PDXDC1: variants seen among roughly 807,000 people sequenced by gnomAD.
PDXDC1 encodes pyridoxal dependent decarboxylase domain containing 1.
In PDXDC1, 42 loss-of-function variants were observed where a neutral mutation model predicts 100.1. The observed-to-expected ratio is 0.42, with a 90% CI of 0.33 to 0.54. The LOEUF (loss-of-function observed/expected upper bound fraction) is 0.54, where lower values mean the gene tolerates loss of function less well. Among genes scored for constraint, PDXDC1 ranks in the 20% least tolerant of loss-of-function variants. The probability of loss-of-function intolerance (pLI) is 0.10; values close to 1 mark genes in which losing one functional copy is unlikely to be tolerated. For synonymous variants in PDXDC1, 260 were observed against 371.7 expected, an observed-to-expected ratio of 0.70 and a Z score of 3.46; for missense variants, 636 against 979.2, an observed-to-expected ratio of 0.65 and a Z score of 4.68.
intron 16 of PDXDC1, chr16:15,076,502 C>A: frequency 8.7e-7 from 1 of 1,146,424 alleles, no homozygotes; most frequent in East Asian, 2.3e-5. Context: ...GCAGCACTAG[C>A]TGTTTCCACC....
At chr16:15,011,631 C>CTTTTTTT in intron 8 of PDXDC1, among the ~76,000 whole-genome samples, 110 of 131,268 alleles carry the variant, frequency 8.4e-4, no homozygotes, top group Non-Finnish European at 1.1e-3. Flanking sequence ...ACATTTTTTT[C>CTTTTTTT]TTTTTTTTTT....
intron 1 of PDXDC1, among the ~76,000 whole-genome samples, chr16:14,991,037 C>A (rs1209534259): frequency 1.3e-5 from 2 of 152,290 alleles, no homozygotes; most frequent in African/African-American, 4.8e-5. Context: ...CCACTGCGCC[C>A]GGCCAGCAAG....
chr16:15,074,787 G>A (rs375443117), intron 16 of PDXDC1: 61 of 1,613,898 alleles, frequency 3.8e-5, no homozygotes, highest in Admixed American at 1.2e-4. Flanking sequence ...CCAGGCGCTC[G>A]GCTACAGGAT....
chr16:15,083,393 G>C (rs1035890699), intron 16 of PDXDC1: 11 of 1,435,402 alleles, frequency 7.7e-6, no homozygotes, highest in Non-Finnish European at 1.0e-5. Context: ...AGTGAGACTC[G>C]GTCTCAAAAA....
chr16:15,100,358 T>C (rs2046497090), intron 16 of PDXDC1, among the ~76,000 whole-genome samples: 1 of 152,244 alleles, frequency 6.6e-6, no homozygotes, highest in Non-Finnish European at 1.5e-5. Context: ...TCTTTAGTTA[T>C]ATACATGTAT....
downstream of PDXDC1, among the ~76,000 whole-genome samples, chr16:15,140,271 CCT>C (rs1300709597): frequency 6.6e-6 from 1 of 150,482 alleles, no homozygotes; most frequent in Non-Finnish European, 1.5e-5. Context: ...ACGGAGACAC[CCT>C]GTCTCTACCA....
downstream of PDXDC1, among the ~76,000 whole-genome samples, chr16:15,141,931 C>A (rs1474090720): frequency 3.9e-5 from 6 of 152,170 alleles, no homozygotes; most frequent in Non-Finnish European, 5.9e-5. Flanking sequence ...GCAGCAGAAC[C>A]AATGCTTTAG....
rs1382744960 is a variant in PDXDC1, at chr16:15,033,353, T to C, written c.1766T>C (p.Val589Ala). The change falls in exon 19 of 23, where the codon GTG becomes GCG. Residue 589 changes from valine to alanine, a missense_variant. This residue lies in a region of PDXDC1 where 452 missense variants were observed against 402.9 expected (regional missense o/e 1.12). Coordinates refer to ENST00000396410, the MANE Select transcript of PDXDC1 (RefSeq NM_015027.4). ...GACAACGTCGATGCTGCTGAGCTCG[T>C]GGAGACCATTGCGGCCACAGCCCGG... ...ASDNVDAAEL[V>A]ETIAATAREI... 6.2e-7 allele frequency: 1 copy of C among 1,614,164 alleles called. No homozygotes were observed. Among genetic ancestry groups the C allele is most frequent in the South Asian group, 1.1e-5 (1 of 91,082 alleles).
intron 19 of PDXDC1, 106 bp from the exon 20 acceptor site, chr16:15,034,180 T>C (rs2043250093): frequency 1.1e-6 from 1 of 904,160 alleles, no homozygotes; most frequent in Non-Finnish European, 1.7e-6. Flanking sequence ...AATGCAGGAT[T>C]TCATTGACCT....
At chr16:15,031,945 C>G in intron 17 of PDXDC1, 39 bp downstream of exon 17, 1 of 1,529,202 alleles carries the variant, frequency 6.5e-7, no homozygotes, top group South Asian at 1.2e-5. Context: ...GGAGACTTTT[C>G]TGTATAAAGA....
At chr16:15,135,078 T>C in intron 16 of PDXDC1, 2 of 588,656 alleles carry the variant, frequency 3.4e-6, no homozygotes, top group South Asian at 3.8e-5. Context: ...AGAGCATATG[T>C]GGCTTGAAGA....
chr16:15,044,604 A>G, intron 16 of PDXDC1: 1 of 594,736 alleles, frequency 1.7e-6, no homozygotes. Context: ...GACCCTGCCC[A>G]GGGGCCCTGA....
chr16:15,076,616 T>C, intron 16 of PDXDC1: 1 of 1,612,962 alleles, frequency 6.2e-7, no homozygotes. Flanking sequence ...TGCTGTTTCT[T>C]CAGCATCTTC....
chr16:15,088,398 T>C (rs1210097852), intron 16 of PDXDC1, among the ~76,000 whole-genome samples: 1 of 151,372 alleles, frequency 6.6e-6, no homozygotes, highest in Admixed American at 6.6e-5. Context: ...GCCTGGGAGG[T>C]TGAGGCTGCA....
chr16:15,126,719 C>T (rs1287355116), intron 16 of PDXDC1: 6 of 118,808 alleles, frequency 5.1e-5, no homozygotes, highest in African/African-American at 1.8e-4. Context: ...TGCAGTGGCG[C>T]AATCTCGGCT....
intron 8 of PDXDC1, among the ~76,000 whole-genome samples, chr16:15,010,129 C>T (rs188267351): frequency 5.1e-4 from 77 of 152,394 alleles, no homozygotes; most frequent in African/African-American, 1.8e-3. Context: ...TCACTGCAAT[C>T]TCTGCCTCCC....
At chr16:15,146,761 G>A in the PDXDC1 span, among the ~76,000 whole-genome samples, 5 of 152,076 alleles carry the variant, frequency 3.3e-5, no homozygotes, top group African/African-American at 1.2e-4. Flanking sequence ...AGTGCATGGA[G>A]GACAGGGGAA....
intron 1 of PDXDC1, chr16:14,990,058 A>G: frequency 6.7e-7 from 1 of 1,491,916 alleles, no homozygotes; most frequent in Non-Finnish European, 8.9e-7. Context: ...GACCCCCCAA[A>G]CCACAGAAGC....
rs569349850 is a variant in PDXDC1, at chr16:15,089,783, G to C, written c.1400-49096G>C. ...CCACTGCACTCCAGCCTGGGCGACA[G>C]AGCAAAAAAAAAAAAAAAAAAAAAA... On this transcript the variant is annotated intron_variant, in intron 16 of 16. Coordinates refer to the PDXDC1 transcript ENST00000535621. 2.6e-3 allele frequency among the ~76,000 whole-genome samples: 119 copies of C among 46,220 alleles called. 2 individuals carry two copies. The highest frequency in any genetic ancestry group is 8.5e-3 in the South Asian group (8 of 938). 30.3% of individuals were successfully genotyped at this position (46,220 alleles called of 152,430 possible). A position where few individuals can be genotyped will look rare whatever the true frequency, so the allele number is the denominator to read the frequency against.
Sources: gnomAD v4.1 joint callset for allele counts (sites outside exome capture counted in the v4.1 genomes callset) on GRCh38, gnomAD v4.1.1 for gene constraint, gnomAD v4.1.1 regional missense constraint, MANE v1.5 for transcripts, NCBI Gene and HGNC (gene_info 2026-07-23, HGNC 2026-07-21) for gene names.